ACTR3: variants seen among roughly 807,000 people sequenced by gnomAD.
The protein encoded by ACTR3 is actin related protein 3.
ACTR3 carries 12 observed loss-of-function variants against 56.8 expected under a neutral mutation model. The observed-to-expected ratio is 0.21, with a 90% CI of 0.14 to 0.34. The LOEUF is 0.34. ACTR3 is among the 10% of genes least tolerant of loss of function. The probability of loss-of-function intolerance (pLI) is 1.00; values close to 1 mark genes in which losing one functional copy is unlikely to be tolerated. For missense variants in ACTR3, 282 were observed against 512.5 expected (o/e 0.55, Z 4.34); for synonymous variants, 162 against 167.4 (o/e 0.97, Z 0.25).
chr2:113,943,866 G>T (rs956825549), intron 8 of ACTR3, among the ~76,000 whole-genome samples: 1 of 152,166 alleles, frequency 6.6e-6, no homozygotes, highest in African/African-American at 2.4e-5. Context: ...CCTTTGTGGG[G>T]CACAAAGGAA....
intron 8 of ACTR3, among the ~76,000 whole-genome samples, chr2:113,945,480 A>G (rs1679999582): frequency 6.6e-6 from 1 of 152,126 alleles, no homozygotes; most frequent in African/African-American, 2.4e-5. Context: ...CAGCCTGCCA[A>G]CATGTTAGGT....
At chr2:113,945,241 A>G (rs1394308579) in intron 8 of ACTR3, among the ~76,000 whole-genome samples, 1 of 152,194 alleles carries the variant, frequency 6.6e-6, no homozygotes, top group African/African-American at 2.4e-5. Context: ...TAAAGGTCAA[A>G]TAACACTGAC....
At chr2:113,948,311 A>C (rs1432633551) in intron 8 of ACTR3, among the ~76,000 whole-genome samples, 1 of 151,976 alleles carries the variant, frequency 6.6e-6, no homozygotes, top group African/African-American at 2.4e-5. Flanking sequence ...CACCACTTCC[A>C]GCTAATTTTT....
intron 8 of ACTR3, among the ~76,000 whole-genome samples, chr2:113,946,144 T>TTGTATG (rs1680015872): frequency 6.6e-6 from 1 of 152,202 alleles, no homozygotes; most frequent in South Asian, 2.1e-4. Flanking sequence ...TTATACTCCT[T>TTGTATG]TGGGTATGTG....
intron 6 of ACTR3, among the ~76,000 whole-genome samples, chr2:113,935,052 TCTCA>T (rs1205947138): frequency 6.6e-6 from 1 of 152,044 alleles, no homozygotes; most frequent in Non-Finnish European, 1.5e-5. Flanking sequence ...TTTTTTTTAT[TCTCA>T]CTCCAGTGTT....
intron 8 of ACTR3, among the ~76,000 whole-genome samples, chr2:113,942,606 G>T (rs1679944397): frequency 6.6e-6 from 1 of 151,936 alleles, no homozygotes; most frequent in Non-Finnish European, 1.5e-5. Flanking sequence ...GCTTATGGGG[G>T]GGTCATGAAA....
chr2:113,942,601 TG>T (rs925461322), intron 8 of ACTR3, among the ~76,000 whole-genome samples: 2 of 151,968 alleles, frequency 1.3e-5, no homozygotes, highest in African/African-American at 4.8e-5. Flanking sequence ...GTGTGGCTTA[TG>T]GGGGGGTCAT....
intron 3 of ACTR3, 107 bp downstream of exon 3, chr2:113,917,115 C>G: frequency 2.2e-6 from 2 of 929,006 alleles, no homozygotes; most frequent in South Asian, 4.1e-5. Context: ...ATCCTCAAAC[C>G]TCTTCTCAGT....
At position 113,894,279 on chromosome 2, in the gene ACTR3, G is replaced by T. The variant is rs2134778; in HGVS notation, c.44+3956G>T. Among the ~76,000 whole-genome samples, 3,678 of 152,118 alleles carry T rather than the reference G, an allele frequency of 0.024. 218 individuals are homozygous for T. The East Asian group carries it at 0.26, about 11-fold the overall frequency. On this transcript the variant is annotated intron_variant, in intron 1 of 11. Transcript: ENST00000263238. The stretch of plus-strand genomic sequence containing the variant: ...AGCTAAATTTTGTATTTTTAGTAGA[G>T]ACAGAGTTTCACCATGTTGGCCAGG...
At chr2:113,919,202 G>A (rs1484059213) in intron 3 of ACTR3, among the ~76,000 whole-genome samples, 3 of 152,052 alleles carry the variant, frequency 2.0e-5, no homozygotes, top group African/African-American at 7.2e-5. Flanking sequence ...CCTTAATTTA[G>A]TATGCAGTTT....
At chr2:113,946,331 AT>A (rs1399361865) in intron 8 of ACTR3, among the ~76,000 whole-genome samples, 2 of 151,832 alleles carry the variant, frequency 1.3e-5, no homozygotes, top group African/African-American at 4.8e-5. Flanking sequence ...TTTTTTAAAA[AT>A]ATTTTCTCTT....
At chr2:113,896,408 A>AGG (rs148293953) in intron 1 of ACTR3, among the ~76,000 whole-genome samples, 4,347 of 152,334 alleles carry the variant, frequency 0.029, 123 homozygotes, top group Admixed American at 0.073. Flanking sequence ...GAGAGATTGA[A>AGG]GGAGGTATAG....
At chr2:113,923,819 T>C (rs1679566349) in intron 3 of ACTR3, among the ~76,000 whole-genome samples, 1 of 151,992 alleles carries the variant, frequency 6.6e-6, no homozygotes, top group Admixed American at 6.6e-5. Context: ...ATCTCCTCCA[T>C]TCCTTTGTCT....
intron 1 of ACTR3, chr2:113,890,602 C>T: frequency 2.3e-6 from 3 of 1,321,986 alleles, no homozygotes; most frequent in East Asian, 6.4e-5. Flanking sequence ...TCCCCCACTA[C>T]GGTGGGCAGC....
At position 113,916,879 on chromosome 2, in the gene ACTR3, T is replaced by G. The variant is rs1162479975; in HGVS notation, c.101-5T>G. The G allele has an allele frequency of 1.3e-6, 2 of 1,592,770 alleles. No individual in the cohort carries two copies. The highest frequency in any genetic ancestry group is 1.7e-6 in the Non-Finnish European group (2 of 1,170,190). On this transcript the variant is annotated splice_polypyrimidine_tract_variant and splice_region_variant and intron_variant, in intron 2 of 11. Coordinates refer to ENST00000263238, the MANE Select transcript of ACTR3 (RefSeq NM_005721.5). ...ATTCTTTGACATGTCTAACTTATTT[T>G]AAAGGTATTGCTATTAAGGAGTCAG...
At position 113,942,274 on chromosome 2, in the gene ACTR3, G is replaced by T; in HGVS notation, c.773G>T (p.Gly258Val). 1 of 1,605,442 alleles carries T rather than the reference G, an allele frequency of 6.2e-7. No homozygotes were observed. Among genetic ancestry groups the T allele is most frequent in the Non-Finnish European group, 8.5e-7 (1 of 1,176,596 alleles). ...DGSKWIKQYTGINAISKKEFS... is the reference protein window; with the variant it reads ...DGSKWIKQYTVINAISKKEFS... Reference sequence around the variant, plus strand: ...TCAAAATGGATTAAACAGTATACTGGAATCAATGCTATCTCAAAGAAAGAG... The same window carrying T: ...TCAAAATGGATTAAACAGTATACTGTAATCAATGCTATCTCAAAGAAAGAG... The change falls in exon 8 of 12, where the codon GGA becomes GTA. Residue 258 changes from glycine to valine, a missense_variant. Transcript: ENST00000263238.
In ACTR3 at chr2:113,959,746, A is replaced by C. The variant is rs1680292635; in HGVS notation, c.*2291A>C. 1 of 152,058 alleles carries C rather than the reference A, an allele frequency of 6.6e-6. No homozygotes were observed. Among genetic ancestry groups the C allele is most frequent in the Non-Finnish European group, 1.5e-5 (1 of 67,906 alleles). 9.4% of individuals were successfully genotyped at this position (152,058 alleles called of 1,614,324 possible). On this transcript the variant is annotated 3_prime_UTR_variant, in exon 12 of 12. Transcript: ENST00000263238. ...GCTGGAAATATGTAGAGGTTGGCCA[A>C]GGTGAACTAAATAGTCTGTAACATT...
intron 6 of ACTR3, among the ~76,000 whole-genome samples, chr2:113,937,713 G>A (rs930366104): frequency 6.6e-6 from 1 of 152,162 alleles, no homozygotes; most frequent in African/African-American, 2.4e-5. Context: ...TGTTATTCTT[G>A]TGTGTGTTTC....
At chr2:113,927,548 A>G (rs1228299595) in intron 4 of ACTR3, 93 bp downstream of exon 4, 4 of 776,270 alleles carry the variant, frequency 5.2e-6, no homozygotes, top group Non-Finnish European at 8.3e-6. Context: ...TTTGGTTATT[A>G]AATTGTCATA....
Sources: gnomAD v4.1 joint callset for allele counts (sites outside exome capture counted in the v4.1 genomes callset) on GRCh38, gnomAD v4.1.1 for gene constraint, MANE v1.5 for transcripts, NCBI Gene and HGNC (gene_info 2026-07-23, HGNC 2026-07-21) for gene names.